The following B3GALT5 variants were observed in gnomAD, a reference collection of about 807,000 sequenced individuals.
B3GALT5 encodes the protein UDP-Gal:betaGlcNAc beta 1,3-galactosyltransferase, polypeptide 5.
For synonymous variants in B3GALT5, 156 were observed against 158.6 expected (o/e 0.98, Z 0.12); for missense variants, 328 against 396.6 (o/e 0.83, Z 1.47).
Position 39,639,347 on chromosome 21 carries a change from T to TTTTTTTCCTTCCTTCC in B3GALT5, c.-391-7043_-391-7042insTTTTCCTTCCTTCCTT, listed in dbSNP as rs2079260072. 4.3e-4 allele frequency among the ~76,000 whole-genome samples: 29 copies of TTTTTTTCCTTCCTTCC among 66,782 alleles called. 1 individual carries two copies. The highest frequency in any genetic ancestry group is 6.2e-4 in the Non-Finnish European group (21 of 34,116). The allele number at this position is 66,782 out of a possible 152,430, so 43.8% of individuals were successfully genotyped here. ...CTTTCTTTCTTTCTTTCTTTCTTTC[T>TTTTTTTCCTTCCTTCC]TTCCTTCCTTCCTTCCTTCCTTCCT... is the stretch of plus-strand genomic sequence containing the variant. On this transcript the variant is annotated intron_variant, in intron 1 of 3. Transcript: ENST00000684187.
chr21:39,655,111 G>A (rs1260254005), intron 2 of B3GALT5, among the ~76,000 whole-genome samples: 1 of 152,228 alleles, frequency 6.6e-6, no homozygotes. Context: ...AGACCCATGA[G>A]AGTCGATGGT....
rs1879787131 is a variant in B3GALT5, at chr21:39,667,593, C to G, written c.*6101C>G. ...CGTCCGCTCTTTAGGGCACAGCTAGCCCTGTGCACCTGTAGAAACTGTACT... is the reference window on the plus strand; with the variant it reads ...CGTCCGCTCTTTAGGGCACAGCTAGGCCTGTGCACCTGTAGAAACTGTACT... On this transcript the variant is annotated 3_prime_UTR_variant, in exon 4 of 4. Coordinates refer to ENST00000684187, the MANE Select transcript of B3GALT5 (RefSeq NM_001356336.2). 6.6e-6 allele frequency: 1 copy of G among 152,214 alleles called. No homozygotes were observed. The allele number at this position is 152,214 out of a possible 1,614,324, so 9.4% of individuals were successfully genotyped here.
Position 39,670,235 on chromosome 21 carries a change from G to GTA in B3GALT5, c.*8745_*8746dup, listed in dbSNP as rs2079615153. The GTA allele has an allele frequency of 6.6e-6, 1 of 151,008 alleles. No individual in the cohort carries two copies. Among genetic ancestry groups the GTA allele is most frequent in the African/African-American group, 2.5e-5 (1 of 40,374 alleles). 9.4% of individuals were successfully genotyped at this position (151,008 alleles called of 1,614,324 possible). On this transcript the variant is annotated 3_prime_UTR_variant, in exon 4 of 4. Coordinates refer to ENST00000684187, the MANE Select transcript of B3GALT5 (RefSeq NM_001356336.2). ...ACTGTGTGTGTGTGTGTGTGTGTGT[G>GTA]TATCTATGAGAGAGAGAGAGACAGA...
At position 39,664,699 on chromosome 21, in the gene B3GALT5, A is replaced by G. The variant is rs9976825; in HGVS notation, c.*3207A>G. On this transcript the variant is annotated 3_prime_UTR_variant, in exon 4 of 4. Coordinates refer to ENST00000684187, the MANE Select transcript of B3GALT5 (RefSeq NM_001356336.2). ...ACTTCTGCACCCCCACTCCACCCAC[A>G]TGGCCCTTCTCAGGGCACCCACCAC... 0.69 allele frequency: 104,979 copies of G among 151,948 alleles called. 38,431 individuals are homozygous for G. The highest frequency in any genetic ancestry group is 0.82 in the South Asian group (3,912 of 4,778). The allele number at this position is 151,948 out of a possible 1,614,324, so 9.4% of individuals were successfully genotyped here.
chr21:39,653,519 G>T (rs2079414441), intron 2 of B3GALT5, among the ~76,000 whole-genome samples: 1 of 152,226 alleles, frequency 6.6e-6, no homozygotes, highest in African/African-American at 2.4e-5. Flanking sequence ...ACGCTGGTTT[G>T]GTAGCCCCTG....
chr21:39,623,983 T>A (rs2079151024), intron 1 of B3GALT5, among the ~76,000 whole-genome samples: 1 of 152,222 alleles, frequency 6.6e-6, no homozygotes, highest in Non-Finnish European at 1.5e-5. Flanking sequence ...AAGTCCTGAT[T>A]GTTACTGGAG....
intron 1 of B3GALT5, among the ~76,000 whole-genome samples, chr21:39,635,572 G>A (rs531177992): frequency 1.1e-4 from 17 of 152,148 alleles, no homozygotes; most frequent in Admixed American, 4.6e-4. Flanking sequence ...TCTGCCTCCT[G>A]GGTTCAAGCA....
chr21:39,623,668 A>G (rs147399168), intron 1 of B3GALT5, among the ~76,000 whole-genome samples: 17 of 152,304 alleles, frequency 1.1e-4, no homozygotes, highest in Non-Finnish European at 1.6e-4. Context: ...GGAAATGGCT[A>G]TCAGCTTAAT....
At chr21:39,614,818 A>G (rs891768606) in intron 1 of B3GALT5, among the ~76,000 whole-genome samples, 7 of 152,126 alleles carry the variant, frequency 4.6e-5, no homozygotes, top group Non-Finnish European at 2.9e-5. Context: ...ATGCTTGTCC[A>G]TTTAACTGGG....
At chr21:39,639,339 TTTCTTTCTTTCCTTCCTTCCTTCC>T (rs1380318109) in intron 1 of B3GALT5, among the ~76,000 whole-genome samples, 1 of 108,258 alleles carries the variant, frequency 9.2e-6, no homozygotes, top group African/African-American at 3.5e-5. Flanking sequence ...TCTTTCTTTC[TTTCTTTCTTTCCTTCCTTCCTTCC>T]TTCCTTCCTT....
chr21:39,644,634 G>A (rs1304980658), intron 1 of B3GALT5, among the ~76,000 whole-genome samples: 1 of 152,208 alleles, frequency 6.6e-6, no homozygotes, highest in Non-Finnish European at 1.5e-5. Context: ...TCCCTAGAGA[G>A]AGTGAAGGAA....
rs1464366071 is a variant in B3GALT5, at chr21:39,662,447, A to T, written c.*955A>T. 6.0e-6 allele frequency: 1 copy of T among 167,078 alleles called. No individual in the cohort carries two copies. The highest frequency in any genetic ancestry group is 2.4e-5 in the African/African-American group (1 of 41,430). The allele number at this position is 167,078 out of a possible 1,614,324, so 10.3% of individuals were successfully genotyped here. ...TGAACTCAGATGGGGTTCATGTGGG[A>T]TTCTGGGAGCTTTCTGGGAATTCAG... is the stretch of plus-strand genomic sequence containing the variant. On this transcript the variant is annotated 3_prime_UTR_variant, in exon 4 of 4. Transcript: ENST00000684187.
At chr21:39,654,609 C>T (rs765779287) in intron 2 of B3GALT5, among the ~76,000 whole-genome samples, 6 of 152,166 alleles carry the variant, frequency 3.9e-5, no homozygotes, top group South Asian at 2.1e-4. Flanking sequence ...TATCAAATGG[C>T]GTCGCATGCT....
chr21:39,660,831 T>C lies in B3GALT5; in HGVS notation c.272T>C (p.Leu91Pro). ...GKERMVKGKQ[L>P]KTFFLLGTTS... ...GAGAGGATGGTGAAGGGAAAGCAGC[T>C]GAAGACATTCTTCCTCCTGGGGACC... is the stretch of plus-strand genomic sequence containing the variant. Residue 91 changes from leucine to proline, a missense_variant, in exon 4 of 4, where the codon CTG (leucine) becomes CCG (proline). Leu to Pro is a moderately conservative substitution (Grantham distance 98, BLOSUM62 -3). Coordinates refer to ENST00000684187, the MANE Select transcript of B3GALT5 (RefSeq NM_001356336.2). 1 of 1,607,204 alleles carries C rather than the reference T, an allele frequency of 6.2e-7. No individual in the cohort carries two copies. The highest frequency in any genetic ancestry group is 8.5e-7 in the Non-Finnish European group (1 of 1,176,730).
At chr21:39,638,793 C>A (rs2079248912) in intron 1 of B3GALT5, among the ~76,000 whole-genome samples, 2 of 152,190 alleles carry the variant, frequency 1.3e-5, no homozygotes, top group African/African-American at 2.4e-5. Context: ...CGTCTTTATG[C>A]TCCCCTAGAG....
chr21:39,642,636 C>T (rs1189119270), intron 1 of B3GALT5, among the ~76,000 whole-genome samples: 6 of 152,094 alleles, frequency 3.9e-5, no homozygotes, highest in African/African-American at 9.7e-5. Context: ...TTTTTGAAGA[C>T]GTTAGAAAAT....
intron 2 of B3GALT5, among the ~76,000 whole-genome samples, chr21:39,656,962 A>G (rs924013288): frequency 6.6e-6 from 1 of 152,194 alleles, no homozygotes; most frequent in African/African-American, 2.4e-5. Context: ...TTCAGGCACT[A>G]TGGCCAGAAG....
At chr21:39,639,988 A>T (rs1219297008) in intron 1 of B3GALT5, among the ~76,000 whole-genome samples, 2 of 151,786 alleles carry the variant, frequency 1.3e-5, no homozygotes, top group Non-Finnish European at 2.9e-5. Context: ...AAATAACTGT[A>T]AAATGTACCT....
At chr21:39,651,108 C>T (rs1464251189) in intron 2 of B3GALT5, among the ~76,000 whole-genome samples, 2 of 152,178 alleles carry the variant, frequency 1.3e-5, no homozygotes, top group Admixed American at 6.5e-5. Context: ...AGCCTGTCCA[C>T]CACTATTCAC....
Sources: allele counts gnomAD v4.1 joint callset (sites outside exome capture counted in the v4.1 genomes callset), GRCh38; gene constraint gnomAD v4.1.1; transcripts MANE v1.5; gene names NCBI Gene and HGNC (gene_info 2026-07-23, HGNC 2026-07-21).